Variants in NMNAT2 observed in about 807,000 individuals in gnomAD.
NMNAT2 encodes nicotinamide/nicotinic acid mononucleotide adenylyltransferase 2.
Under a neutral mutation model 41.6 loss-of-function variants are expected in NMNAT2, and 11 were observed. The observed-to-expected ratio is 0.26, with a 90% confidence interval of 0.17 to 0.44. The LOEUF (loss-of-function observed/expected upper bound fraction) is 0.44, where lower values mean the gene tolerates loss of function less well. Among genes scored for constraint, NMNAT2 ranks in the 20% least tolerant of loss-of-function variants. The probability of loss-of-function intolerance (pLI) is 1.00; values close to 1 mark genes in which losing one functional copy is unlikely to be tolerated. For missense variants in NMNAT2, 288 were observed against 407.7 expected (o/e 0.71, Z 2.53); for synonymous variants, 148 against 151.2 (o/e 0.98, Z 0.16).
At chr1:183,390,523 G>A (rs1648448576) in intron 1 of NMNAT2, among the ~76,000 whole-genome samples, 1 of 152,124 alleles carries the variant, frequency 6.6e-6, no homozygotes, top group South Asian at 2.1e-4. Flanking sequence ...GATTCTGATG[G>A]TAGTTATACA....
At chr1:183,315,454 G>A (rs1037333052) in intron 1 of NMNAT2, among the ~76,000 whole-genome samples, 5 of 150,744 alleles carry the variant, frequency 3.3e-5, no homozygotes, top group South Asian at 4.2e-4. Flanking sequence ...GTCAAGTTGT[G>A]TGTGTGCGCT....
At chr1:183,263,592 G>T (rs1469663040) in intron 8 of NMNAT2, among the ~76,000 whole-genome samples, 1 of 152,224 alleles carries the variant, frequency 6.6e-6, no homozygotes, top group African/African-American at 2.4e-5. Context: ...GCCAAGGCGG[G>T]TGGATCACGA....
intron 1 of NMNAT2, among the ~76,000 whole-genome samples, chr1:183,415,582 C>G (rs915832955): frequency 6.6e-6 from 1 of 152,318 alleles, no homozygotes; most frequent in African/African-American, 2.4e-5. Context: ...GAACATGAGG[C>G]TCAAGTCTCA....
chr1:183,327,491 G>A (rs1662494622), intron 1 of NMNAT2, among the ~76,000 whole-genome samples: 1 of 152,210 alleles, frequency 6.6e-6, no homozygotes, highest in Admixed American at 6.5e-5. Flanking sequence ...ATATTTGCAG[G>A]CATTCCTTCT....
intron 7 of NMNAT2, among the ~76,000 whole-genome samples, chr1:183,281,960 C>T (rs1453505780): frequency 1.3e-5 from 2 of 152,226 alleles, no homozygotes; most frequent in Non-Finnish European, 2.9e-5. Flanking sequence ...TCCAGGGCCA[C>T]GAGCCAGAAT....
chr1:183,277,780 AAAAC>A (rs903569905), intron 8 of NMNAT2, among the ~76,000 whole-genome samples: 22 of 152,298 alleles, frequency 1.4e-4, no homozygotes, highest in African/African-American at 4.3e-4. Flanking sequence ...TTACAGATTA[AAAAC>A]AAACAAACAA....
At chr1:183,390,171 T>A (rs1648437319) in intron 1 of NMNAT2, among the ~76,000 whole-genome samples, 1 of 152,132 alleles carries the variant, frequency 6.6e-6, no homozygotes, top group African/African-American at 2.4e-5. Context: ...CAGAAATTAC[T>A]GAATAGGGTG....
chr1:183,416,470 A>C (rs567204083), intron 1 of NMNAT2, among the ~76,000 whole-genome samples: 30 of 152,358 alleles, frequency 2.0e-4, no homozygotes, highest in Non-Finnish European at 2.9e-4. Flanking sequence ...AGGGATGAAG[A>C]CACCAGCATC....
At chr1:183,334,594 C>T (rs898086256) in intron 1 of NMNAT2, among the ~76,000 whole-genome samples, 2 of 151,828 alleles carry the variant, frequency 1.3e-5, no homozygotes, top group Non-Finnish European at 2.9e-5. Context: ...AGTGCAACCT[C>T]CGCCTCCCAG....
chr1:183,336,811 G>T (rs986758183), intron 1 of NMNAT2, among the ~76,000 whole-genome samples: 1 of 152,130 alleles, frequency 6.6e-6, no homozygotes, highest in African/African-American at 2.4e-5. Flanking sequence ...CAACCCAAAT[G>T]TTCATCAATA....
chr1:183,298,872 C>A (rs1661774229), intron 1 of NMNAT2, among the ~76,000 whole-genome samples: 1 of 152,146 alleles, frequency 6.6e-6, no homozygotes, highest in South Asian at 2.1e-4. Flanking sequence ...TAATGTATTT[C>A]TTGTCAAAAT....
rs375355829 is a variant in NMNAT2, at chr1:183,273,773, CTCTT to C, written c.651+4776_651+4779del. The stretch of plus-strand genomic sequence containing the variant: ...CTTTTTTCCCTCCCTTCCTTCCTTC[CTCTT>C]TCTTTCTTTCTTCCTCTCTCTCTTT... On this transcript the variant is annotated intron_variant, in intron 8 of 10. Transcript: ENST00000287713. 8.1e-4 allele frequency among the ~76,000 whole-genome samples: 122 copies of C among 149,716 alleles called. 1 individual carries two copies. Among genetic ancestry groups the C allele is most frequent in the African/African-American group, 1.9e-3 (79 of 40,588 alleles).
chr1:183,331,635 G>A (rs1281227259), intron 1 of NMNAT2, among the ~76,000 whole-genome samples: 1 of 152,226 alleles, frequency 6.6e-6, no homozygotes, highest in Admixed American at 6.5e-5. Context: ...AGCAGCTGCA[G>A]CCTCAGGCGT....
At chr1:183,373,475 CCTT>C (rs767967913) in intron 1 of NMNAT2, among the ~76,000 whole-genome samples, 1 of 152,142 alleles carries the variant, frequency 6.6e-6, no homozygotes, top group Non-Finnish European at 1.5e-5. Flanking sequence ...GCAGTTGACT[CCTT>C]CTGTAATAGC....
At chr1:183,351,189 G>T (rs899609821) in intron 1 of NMNAT2, among the ~76,000 whole-genome samples, 1 of 152,176 alleles carries the variant, frequency 6.6e-6, no homozygotes, top group South Asian at 2.1e-4. Flanking sequence ...GTTTTCTGGA[G>T]ATAATACTAT....
At chr1:183,261,954 CTCAG>C (rs1229613963) in intron 8 of NMNAT2, among the ~76,000 whole-genome samples, 18 of 151,464 alleles carry the variant, frequency 1.2e-4, no homozygotes, top group African/African-American at 3.9e-4. Context: ...GAGGCATGGT[CTCAG>C]TCTGTCACCC....
chr1:183,346,195 C>A (rs961931985), intron 1 of NMNAT2, among the ~76,000 whole-genome samples: 1 of 152,134 alleles, frequency 6.6e-6, no homozygotes, highest in Non-Finnish European at 1.5e-5. Context: ...CTCCAGGGTT[C>A]TTTCTCTCAG....
At chr1:183,295,015 G>C (rs560745941) in intron 1 of NMNAT2, among the ~76,000 whole-genome samples, 1 of 152,042 alleles carries the variant, frequency 6.6e-6, no homozygotes, top group South Asian at 2.1e-4. Context: ...TTCTTTCTTT[G>C]TTTTTTGAGA....
chr1:183,300,995 G>A (rs979696577), intron 1 of NMNAT2, among the ~76,000 whole-genome samples: 3 of 152,220 alleles, frequency 2.0e-5, no homozygotes, highest in Non-Finnish European at 4.4e-5. Flanking sequence ...AGTCAAGATT[G>A]GCATGAGATA....
Sources: allele counts gnomAD v4.1 joint callset (sites outside exome capture counted in the v4.1 genomes callset), GRCh38; gene constraint gnomAD v4.1.1; transcripts MANE v1.5; gene names NCBI Gene and HGNC (gene_info 2026-07-23, HGNC 2026-07-21).